THSD1: variants seen among roughly 807,000 people sequenced by gnomAD.
THSD1 encodes thrombospondin type-1 domain-containing protein 1.
A neutral mutation model predicts 46.3 loss-of-function variants in THSD1; 34 were observed. The observed-to-expected ratio is 0.74, with a 90% CI of 0.56 to 0.98. The LOEUF is 0.98. Ranked by LOEUF, THSD1 falls within the 50% of genes least tolerant of loss-of-function variation. The pLI, the probability that THSD1 is intolerant of heterozygous loss-of-function variation, is 0.00. For synonymous variants in THSD1, 407 were observed against 416.5 expected (o/e 0.98, Z 0.28); for missense variants, 1,023 against 1,058.3 (o/e 0.97, Z 0.46).
chr13:52,379,949 A>G (rs181255244), intron 4 of THSD1, among the ~76,000 whole-genome samples: 23 of 152,320 alleles, frequency 1.5e-4, no homozygotes, highest in Non-Finnish European at 1.5e-4. Context: ...AACTGACGAA[A>G]GTAAGACTTG....
chr13:52,386,155 C>T lies in THSD1; in HGVS notation c.1053G>A (p.Gln351=), dbSNP rs200722444. The T allele has an allele frequency of 4.5e-4, 722 of 1,614,194 alleles. 3 individuals are homozygous for T. In the East Asian group the frequency reaches 0.015, roughly 34 times the overall value. Residue 351 remains glutamine, a synonymous_variant, in exon 4 of 5, where the codon CAG becomes CAA. Transcript: ENST00000258613. ...ETWGLWQPWS[Q]CSATCGDGVR... is the part of the protein sequence containing the mutation. Reference sequence around the variant, plus strand: ...CACCATCCCCACATGTGGCACTACACTGGCTCCATGGCTGCCACAGTCCCC... The same window carrying T: ...CACCATCCCCACATGTGGCACTACATTGGCTCCATGGCTGCCACAGTCCCC...
chr13:52,393,644 C>T (rs1410756297), intron 3 of THSD1, among the ~76,000 whole-genome samples: 11 of 151,994 alleles, frequency 7.2e-5, no homozygotes, highest in Admixed American at 5.2e-4. Context: ...GGCGACAGAG[C>T]GAGACTCCAT....
Position 52,378,418 on chromosome 13 carries a change from A to C in THSD1, c.1552T>G (p.Ser518Ala). The change falls in exon 5 of 5, where the codon TCC (serine) becomes GCC (alanine). Residue 518 changes from serine (S) to alanine (A), a missense_variant. Ser to Ala is a moderately conservative substitution (Grantham distance 99). Transcript: ENST00000258613. ...DDASGSESFQ[S>A]NAQKIIPPLF... The stretch of plus-strand genomic sequence containing the variant: ...GGTGGGATTATCTTCTGGGCGTTGG[A>C]CTGGAAGCTCTCGCTGCCAGAGGCA... The C allele has an allele frequency of 6.2e-7, 1 of 1,613,932 alleles. No homozygotes were observed. The highest frequency in any genetic ancestry group is 8.5e-7 in the Non-Finnish European group (1 of 1,179,996).
At position 52,380,825 on chromosome 13, in the gene THSD1, A is replaced by T. The variant is rs1335889678; in HGVS notation, c.1181-2036T>A. ...CTGTGCTCTTTCACCTCCATAAAAAACTTCCATTCCTTTGATGCCCATGCC... is the reference window on the plus strand; with the variant it reads ...CTGTGCTCTTTCACCTCCATAAAAATCTTCCATTCCTTTGATGCCCATGCC... On this transcript the variant is annotated intron_variant, in intron 4 of 4. Transcript: ENST00000258613. 2.6e-5 allele frequency among the ~76,000 whole-genome samples: 4 copies of T among 151,760 alleles called. No homozygotes were observed. The East Asian group carries it at 7.7e-4, about 29-fold the overall frequency.
At position 52,378,352 on chromosome 13, in the gene THSD1, TCTC is replaced by T. The variant is rs2137721055; in HGVS notation, c.1615_1617del (p.Glu539del). ...GTTTCCGTCAGACCTTTCTTTTTCA[TCTC>T]CTTTAACTGCTGCTGGGCAAGGCGG... On this transcript the variant is annotated inframe_deletion, in exon 5 of 5. Coordinates refer to ENST00000258613, the MANE Select transcript of THSD1 (RefSeq NM_018676.4). The T allele has an allele frequency of 6.2e-7, 1 of 1,614,104 alleles. No homozygotes were observed. Among genetic ancestry groups the T allele is most frequent in the East Asian group, 2.2e-5 (1 of 44,876 alleles).
chr13:52,385,927 C>T (rs1476479315), intron 4 of THSD1, 101 bp downstream of exon 4: 2 of 1,080,174 alleles, frequency 1.9e-6, no homozygotes, highest in Non-Finnish European at 2.7e-6. Context: ...AATGAGTCTA[C>T]TCCTGATCTT....
At chr13:52,383,316 A>T (rs1375194346) in intron 4 of THSD1, among the ~76,000 whole-genome samples, 1 of 152,254 alleles carries the variant, frequency 6.6e-6, no homozygotes, top group East Asian at 1.9e-4. Flanking sequence ...ACCAGATGGA[A>T]CATCAGTGCA....
Position 52,393,565 on chromosome 13 carries a change from G to A in THSD1, c.1021+3667C>T, listed in dbSNP as rs58199167. Among the ~76,000 whole-genome samples, 343 of 152,320 alleles carry A rather than the reference G, an allele frequency of 2.3e-3. 3 individuals are homozygous for A. Among genetic ancestry groups the A allele is most frequent in the African/African-American group, 7.9e-3 (330 of 41,560 alleles). On this transcript the variant is annotated intron_variant, in intron 3 of 4. Coordinates refer to ENST00000258613, the MANE Select transcript of THSD1 (RefSeq NM_018676.4). ...CCCAGCTACTTGGGAGGCTGAGGCA[G>A]GAGAATTGCTAGAACCCGGGAGGTG...
chr13:52,377,931 G>A lies in THSD1; in HGVS notation c.2039C>T (p.Ala680Val), dbSNP rs200871911. 1.9e-6 allele frequency: 3 copies of A among 1,613,954 alleles called. No homozygotes were observed. The highest frequency in any genetic ancestry group is 1.7e-6 in the Non-Finnish European group (2 of 1,180,032). ...GCAGGTCCGCGTCCTAGAGCTGTAGGCAGGGGCCTGCCGTGGAGTCAGAGT... is the reference window on the plus strand; with the variant it reads ...GCAGGTCCGCGTCCTAGAGCTGTAGACAGGGGCCTGCCGTGGAGTCAGAGT... ...MSTLTPRQAP[A>V]YSSRTRTCEQ... The change falls in exon 5 of 5, where the codon GCC (alanine) becomes GTC (valine). Residue 680 changes from alanine to valine, a missense_variant. Physicochemically the swap from Ala to Val is moderately conservative, Grantham distance 64. Transcript: ENST00000258613.
chr13:52,385,755 T>C (rs1039724740), intron 4 of THSD1, among the ~76,000 whole-genome samples: 33 of 152,212 alleles, frequency 2.2e-4, no homozygotes, highest in Non-Finnish European at 5.9e-5. Context: ...TTTTAGAAAT[T>C]ATTTAATATG....
chr13:52,405,313 G>C (rs1415454483), intron 1 of THSD1, among the ~76,000 whole-genome samples: 1 of 152,182 alleles, frequency 6.6e-6, no homozygotes, highest in Non-Finnish European at 1.5e-5. Flanking sequence ...TGCAGAAAAA[G>C]TAAATGAATT....
chr13:52,386,129 A>C lies in THSD1; in HGVS notation c.1079T>G (p.Val360Gly). The C allele has an allele frequency of 6.2e-7, 1 of 1,614,190 alleles. No individual in the cohort carries two copies. The highest frequency in any genetic ancestry group is 8.5e-7 in the Non-Finnish European group (1 of 1,180,032). ...SQCSATCGDG[V>G]RERRRVCLTS... ...GAGACACACTCGGCGACGCTCTCTGACACCATCCCCACATGTGGCACTACA... is the reference window on the plus strand; with the variant it reads ...GAGACACACTCGGCGACGCTCTCTGCCACCATCCCCACATGTGGCACTACA... The change falls in exon 4 of 5, where the codon GTC becomes GGC. Residue 360 changes from valine (V) to glycine (G), a missense_variant. This residue lies in a region of THSD1 where 429 missense variants were observed against 518.3 expected (regional missense o/e 0.83). Coordinates refer to ENST00000258613, the MANE Select transcript of THSD1 (RefSeq NM_018676.4).
In THSD1 at chr13:52,377,735, T is replaced by C. The variant is rs1957645482; in HGVS notation, c.2235A>G (p.Ala745=). 2.5e-6 allele frequency: 4 copies of C among 1,613,640 alleles called. No individual in the cohort carries two copies. The highest frequency in any genetic ancestry group is 3.4e-6 in the Non-Finnish European group (4 of 1,179,702). Residue 745 remains alanine, a synonymous_variant, in exon 5 of 5, where the codon GCA becomes GCG. Transcript: ENST00000258613. Reference sequence around the variant, plus strand: ...TTCTCTCAATTCCGGCCACTAATCCTGCCTGGTGATCCCCAAGGTCTGGTT... The same window carrying C: ...TTCTCTCAATTCCGGCCACTAATCCCGCCTGGTGATCCCCAAGGTCTGGTT... ...LRKPDLGDHQ[A]GLVAGIERTE...
intron 1 of THSD1, 180 bp from the exon 2 acceptor site, chr13:52,402,861 A>G: frequency 1.0e-6 from 1 of 984,658 alleles, no homozygotes; most frequent in Non-Finnish European, 1.2e-6. Context: ...TTTTCATTCC[A>G]TTATAACTCA....
chr13:52,379,599 T>G (rs951133367), intron 4 of THSD1, among the ~76,000 whole-genome samples: 3 of 152,080 alleles, frequency 2.0e-5, no homozygotes, highest in African/African-American at 7.2e-5. Context: ...CTCAGCCTCC[T>G]GAGTAGCTGG....
chr13:52,388,582 C>T (rs9526909), intron 3 of THSD1, among the ~76,000 whole-genome samples: 8,871 of 152,168 alleles, frequency 0.058, 307 homozygotes, highest in African/African-American at 0.091. Context: ...TGGGTTCAAG[C>T]GATTCTCCTA....
intron 3 of THSD1, among the ~76,000 whole-genome samples, chr13:52,396,019 G>A (rs1204469227): frequency 1.3e-5 from 2 of 152,146 alleles, no homozygotes; most frequent in African/African-American, 4.8e-5. Context: ...AAGGAGTTTA[G>A]GATATTGGCA....
intron 3 of THSD1, among the ~76,000 whole-genome samples, chr13:52,388,554 C>A (rs915579742): frequency 3.3e-5 from 5 of 152,188 alleles, no homozygotes; most frequent in Admixed American, 6.5e-5. Context: ...TCTCAGCTCA[C>A]CGCAACCTCC....
In THSD1 at chr13:52,378,384, C is replaced by G. The variant is rs866084308; in HGVS notation, c.1586G>C (p.Ser529Thr). 6.2e-7 allele frequency: 1 copy of G among 1,614,068 alleles called. No individual in the cohort carries two copies. The highest frequency in any genetic ancestry group is 1.7e-5 in the Admixed American group (1 of 60,020). The change falls in exon 5 of 5, where the codon AGC becomes ACC. Residue 529 changes from serine (S) to threonine (T), a missense_variant. Coordinates refer to ENST00000258613, the MANE Select transcript of THSD1 (RefSeq NM_018676.4). ...TAACTGCTGCTGGGCAAGGCGGTAG[C>G]TGAACAGAGGTGGGATTATCTTCTG... Reference protein sequence around the residue: ...NAQKIIPPLFSYRLAQQQLKE... With the variant: ...NAQKIIPPLFTYRLAQQQLKE...
Sources: allele counts gnomAD v4.1 joint callset (sites outside exome capture counted in the v4.1 genomes callset), GRCh38; gene constraint gnomAD v4.1.1; regional missense constraint gnomAD v4.1.1; transcripts MANE v1.5; gene names NCBI Gene and HGNC (gene_info 2026-07-23, HGNC 2026-07-21).